The following GPRIN3 variants were observed in gnomAD, a reference collection of about 807,000 sequenced individuals.
The protein encoded by GPRIN3 is G protein-regulated inducer of neurite outgrowth 3.
A neutral mutation model predicts 13.7 loss-of-function variants in GPRIN3; 12 were observed. The ratio of observed to expected loss-of-function variants is 0.87; its 90% CI spans 0.56 to 1.42. The LOEUF (loss-of-function observed/expected upper bound fraction) is 1.42. Ranked by LOEUF, GPRIN3 falls within the 40% of genes most tolerant of loss-of-function variation. GPRIN3 has a pLI of 0.00. For missense variants in GPRIN3, 1,009 were observed against 958.7 expected, an observed-to-expected ratio of 1.05 and a Z score of -0.69; for synonymous variants, 377 against 372.7, an observed-to-expected ratio of 1.01 and a Z score of -0.13.
At chr4:89,306,828 C>T (rs548222749) in intron 1 of GPRIN3, among the ~76,000 whole-genome samples, 38 of 152,294 alleles carry the variant, frequency 2.5e-4, no homozygotes, top group African/African-American at 8.2e-4. Context: ...CTTCCCATCA[C>T]CCAAAATTCA....
intron 1 of GPRIN3, among the ~76,000 whole-genome samples, chr4:89,254,793 A>G (rs1379619436): frequency 6.6e-6 from 1 of 152,046 alleles, no homozygotes; most frequent in African/African-American, 2.4e-5. Flanking sequence ...GTCTTTGAGG[A>G]ATCTCCACAA....
chr4:89,267,601 G>A (rs1723815461), intron 1 of GPRIN3, among the ~76,000 whole-genome samples: 1 of 152,186 alleles, frequency 6.6e-6, no homozygotes, highest in African/African-American at 2.4e-5. Flanking sequence ...GGTCCTCATT[G>A]GTCCTTAACA....
rs138037710 is a variant in GPRIN3, at chr4:89,248,770, C to A, written c.1341G>T (p.Arg447Ser). The A allele has an allele frequency of 1.2e-5, 19 of 1,614,056 alleles. No individual in the cohort carries two copies. The African/African-American group carries it at 2.1e-4, about 18-fold the overall frequency. Residue 447 changes from arginine (R) to serine (S), a missense_variant, in exon 2 of 2, where the codon AGG (arginine) becomes AGT (serine). Coordinates refer to ENST00000609438, the MANE Select transcript of GPRIN3 (RefSeq NM_198281.3). ...DGRLAGMTPV[R>S]EESTAKKLAG... ...CGAGCTTTTTAGCAGTTGACTCTTCCCTCACTGGAGTCATTCCTGCTAACC... is the reference window on the plus strand; with the variant it reads ...CGAGCTTTTTAGCAGTTGACTCTTCACTCACTGGAGTCATTCCTGCTAACC...
Position 89,249,482 on chromosome 4 carries a change from C to T in GPRIN3, c.629G>A (p.Ser210Asn), listed in dbSNP as rs202215780. 6.2e-7 allele frequency: 1 copy of T among 1,614,116 alleles called. No homozygotes were observed. The highest frequency in any genetic ancestry group is 8.5e-7 in the Non-Finnish European group (1 of 1,180,022). ...TCCACCTACAGGAGAGGATGAGTGACTGACCACCCTGGCTGCTGTCACTGG... is the reference window on the plus strand; with the variant it reads ...TCCACCTACAGGAGAGGATGAGTGATTGACCACCCTGGCTGCTGTCACTGG... ...QTPVTAARVV[S>N]HSSSPVGGPE... The change falls in exon 2 of 2, where the codon AGT becomes AAT. Residue 210 changes from serine (S) to asparagine (N), a missense_variant. Ser to Asn is a conservative substitution (Grantham distance 46). Coordinates refer to ENST00000609438, the MANE Select transcript of GPRIN3 (RefSeq NM_198281.3).
At chr4:89,269,136 A>G (rs1419152356) in intron 1 of GPRIN3, among the ~76,000 whole-genome samples, 1 of 152,060 alleles carries the variant, frequency 6.6e-6, no homozygotes, top group Non-Finnish European at 1.5e-5. Flanking sequence ...CTTGAGGAAA[A>G]ATTTTCTTCT....
chr4:89,247,788 A>T lies in GPRIN3; in HGVS notation c.2323T>A (p.Leu775Ile), dbSNP rs751420143. 15 of 1,607,866 alleles carry T rather than the reference A, an allele frequency of 9.3e-6. No homozygotes were observed. In the Admixed American group the frequency reaches 2.5e-4, roughly 27 times the overall value. Residue 775 changes from leucine (L) to isoleucine (I), a missense_variant, in exon 2 of 2, where the codon TTA becomes ATA. Leu to Ile is a conservative substitution (Grantham distance 5, BLOSUM62 2). Transcript: ENST00000609438. ...CCCATAAATACTCCCTTTCAATCTAACACAGAAGACGGGGCAGGACGGACG... is the reference window on the plus strand; with the variant it reads ...CCCATAAATACTCCCTTTCAATCTATCACAGAAGACGGGGCAGGACGGACG... ...CCVRPAPSSV[L>I]D
chr4:89,273,734 ACACTT>A (rs1458892073), intron 1 of GPRIN3, among the ~76,000 whole-genome samples: 1 of 152,174 alleles, frequency 6.6e-6, no homozygotes, highest in Non-Finnish European at 1.5e-5. Flanking sequence ...GATTACAGAA[ACACTT>A]TTTTCATAGG....
At chr4:89,252,266 C>A (rs1723349654) in intron 1 of GPRIN3, among the ~76,000 whole-genome samples, 1 of 152,150 alleles carries the variant, frequency 6.6e-6, no homozygotes, top group Non-Finnish European at 1.5e-5. Context: ...AGCCCATGAA[C>A]CTGGCCTATA....
intron 1 of GPRIN3, among the ~76,000 whole-genome samples, chr4:89,288,326 T>C (rs1429568965): frequency 6.6e-6 from 1 of 152,192 alleles, no homozygotes; most frequent in Non-Finnish European, 1.5e-5. Flanking sequence ...CACAAATAGA[T>C]TTGATGGTTG....
chr4:89,262,527 T>C (rs1723660322), intron 1 of GPRIN3, among the ~76,000 whole-genome samples: 1 of 152,212 alleles, frequency 6.6e-6, no homozygotes, highest in South Asian at 2.1e-4. Context: ...CTGACGTTTC[T>C]GTCAGTGATG....
At chr4:89,265,798 ATAATT>A (rs748643995) in intron 1 of GPRIN3, among the ~76,000 whole-genome samples, 1 of 152,034 alleles carries the variant, frequency 6.6e-6, no homozygotes, top group Non-Finnish European at 1.5e-5. Flanking sequence ...TAGGCCTAAT[ATAATT>A]TATTTGCCAA....
chr4:89,262,546 G>A (rs1199017802), intron 1 of GPRIN3, among the ~76,000 whole-genome samples: 1 of 152,174 alleles, frequency 6.6e-6, no homozygotes, highest in Non-Finnish European at 1.5e-5. Flanking sequence ...TGATGGATTC[G>A]TGCTGGTCTA....
In GPRIN3 at chr4:89,269,251, C is replaced by G. The variant is rs191029904; in HGVS notation, c.-123-19018G>C. Among the ~76,000 whole-genome samples, 302 of 152,256 alleles carry G rather than the reference C, an allele frequency of 2.0e-3. 12 individuals are homozygous for G. In the South Asian group the frequency reaches 0.056, roughly 28 times the overall value. On this transcript the variant is annotated intron_variant, in intron 1 of 1. Coordinates refer to ENST00000609438, the MANE Select transcript of GPRIN3 (RefSeq NM_198281.3). ...CTGTTAGAATGGTCCTGCTGGGTTT[C>G]CTTTACAAATTAGATGAATACTTCA...
chr4:89,306,813 G>A (rs1578123604), intron 1 of GPRIN3, among the ~76,000 whole-genome samples: 1 of 152,112 alleles, frequency 6.6e-6, no homozygotes, highest in African/African-American at 2.4e-5. Flanking sequence ...GTCTGGATTC[G>A]ATGCCTTCCC....
chr4:89,249,921 C>G lies in GPRIN3; in HGVS notation c.190G>C (p.Ala64Pro). The G allele has an allele frequency of 6.2e-7, 1 of 1,614,204 alleles. No individual in the cohort carries two copies. Among genetic ancestry groups the G allele is most frequent in the Middle Eastern group, 1.6e-4 (1 of 6,062 alleles). Reference sequence around the variant, plus strand: ...TCATGCTCACAAACCTGCATCAGGGCTTCGGCAGCTGCCCTGGGGCTGAGG... The same window carrying G: ...TCATGCTCACAAACCTGCATCAGGGGTTCGGCAGCTGCCCTGGGGCTGAGG... ...PDLSPRAAAE[A>P]LMQVCEHETT... Residue 64 changes from alanine to proline, a missense_variant, in exon 2 of 2, where the codon GCC (alanine) becomes CCC (proline). Physicochemically the swap from Ala to Pro is conservative, Grantham distance 27. Coordinates refer to ENST00000609438, the MANE Select transcript of GPRIN3 (RefSeq NM_198281.3).
chr4:89,286,365 T>G (rs1724414170), intron 1 of GPRIN3, among the ~76,000 whole-genome samples: 1 of 152,162 alleles, frequency 6.6e-6, no homozygotes, highest in South Asian at 2.1e-4. Context: ...CTGCAAAATC[T>G]TTTGCTTGTT....
chr4:89,250,966 T>C lies in GPRIN3; in HGVS notation c.-123-733A>G, dbSNP rs560016138. On this transcript the variant is annotated intron_variant, in intron 1 of 1. Coordinates refer to ENST00000609438, the MANE Select transcript of GPRIN3 (RefSeq NM_198281.3). ...GAAACACTGTAAGAGAAAACAAACA[T>C]AGGTGACTAAATAAAATTCAAAACC... The C allele has an allele frequency of 1.4e-4, 22 of 152,076 alleles. 1 individual carries two copies. The highest frequency in any genetic ancestry group is 1.3e-3 in the Admixed American group (20 of 15,288). The allele number at this position is 152,076 out of a possible 1,614,324, so 9.4% of individuals were successfully genotyped here.
At position 89,248,625 on chromosome 4, in the gene GPRIN3, C is replaced by A. The variant is rs139967669; in HGVS notation, c.1486G>T (p.Ala496Ser). 1.8e-3 allele frequency: 2,836 copies of A among 1,614,118 alleles called. 5 individuals carry two copies. Among genetic ancestry groups the A allele is most frequent in the Non-Finnish European group, 2.2e-3 (2,612 of 1,179,982 alleles). The change falls in exon 2 of 2, where the codon GCA (alanine) becomes TCA (serine). Residue 496 changes from alanine to serine, a missense_variant. Coordinates refer to ENST00000609438, the MANE Select transcript of GPRIN3 (RefSeq NM_198281.3). ...TTGTGGCCGTTTGTCGTTTTCTCTGCAAACTCAGATGGCCTGGTTTCAAAT... is the reference window on the plus strand; with the variant it reads ...TTGTGGCCGTTTGTCGTTTTCTCTGAAAACTCAGATGGCCTGGTTTCAAAT... ...GKFETRPSEF[A>S]EKTTNGHKTD... is the part of the protein sequence containing the mutation.
intron 1 of GPRIN3, among the ~76,000 whole-genome samples, chr4:89,297,596 A>G (rs17015374): frequency 1.3e-5 from 2 of 152,150 alleles, no homozygotes; most frequent in East Asian, 3.9e-4. Context: ...CAGGGCAAAT[A>G]CACAGAGATG....
Sources: gnomAD v4.1 joint callset for allele counts (sites outside exome capture counted in the v4.1 genomes callset) on GRCh38, gnomAD v4.1.1 for gene constraint, MANE v1.5 for transcripts, NCBI Gene and HGNC (gene_info 2026-07-23, HGNC 2026-07-21) for gene names.